The following PCDH9 variants were observed in gnomAD, a reference collection of about 807,000 sequenced individuals.
PCDH9 encodes protocadherin-9.
A neutral mutation model predicts 70.6 loss-of-function variants in PCDH9; 24 were observed. That is an observed-to-expected ratio of 0.34 (90% CI 0.25 to 0.48). PCDH9 has a LOEUF of 0.48. PCDH9 is among the 20% of genes least tolerant of loss of function. The probability of loss-of-function intolerance (pLI) is 0.99; values close to 1 mark genes in which losing one functional copy is unlikely to be tolerated. For synonymous variants in PCDH9, 562 were observed against 558.5 expected, an observed-to-expected ratio of 1.01 and a Z score of -0.09; for missense variants, 1,281 against 1,503.6, an observed-to-expected ratio of 0.85 and a Z score of 2.45.
chr13:66,869,170 C>T (rs548645890), intron 3 of PCDH9, among the ~76,000 whole-genome samples: 1 of 152,222 alleles, frequency 6.6e-6, no homozygotes, highest in East Asian at 1.9e-4. Context: ...CAGTTCCTGG[C>T]CCCTCGCTAA....
chr13:66,346,596 A>C (rs989688697), intron 4 of PCDH9, among the ~76,000 whole-genome samples: 7 of 152,190 alleles, frequency 4.6e-5, no homozygotes, highest in African/African-American at 1.7e-4. Flanking sequence ...CAATTCCTGC[A>C]ATACCCCCAT....
chr13:66,435,845 A>G (rs1957859488), intron 4 of PCDH9, among the ~76,000 whole-genome samples: 1 of 152,096 alleles, frequency 6.6e-6, no homozygotes, highest in South Asian at 2.1e-4. Context: ...GGAGATTACA[A>G]TGGGAGCCAG....
intron 3 of PCDH9, among the ~76,000 whole-genome samples, chr13:66,843,057 CA>C (rs1234372200): frequency 1.3e-5 from 2 of 152,174 alleles, no homozygotes; most frequent in African/African-American, 4.8e-5. Context: ...GGAAGAAAAT[CA>C]ATTACTATCG....
At chr13:66,498,698 G>A (rs1049060847) in intron 4 of PCDH9, among the ~76,000 whole-genome samples, 1 of 152,042 alleles carries the variant, frequency 6.6e-6, no homozygotes, top group Non-Finnish European at 1.5e-5. Flanking sequence ...TTAAACGAAT[G>A]TTTTAATAAG....
intron 4 of PCDH9, among the ~76,000 whole-genome samples, chr13:66,516,596 A>C (rs1959745735): frequency 1.3e-5 from 2 of 152,092 alleles, no homozygotes; most frequent in Admixed American, 1.3e-4. Flanking sequence ...TGAGCAATTC[A>C]GTATTTTGAT....
chr13:66,481,959 CA>C (rs530547165), intron 4 of PCDH9, among the ~76,000 whole-genome samples: 134 of 152,178 alleles, frequency 8.8e-4, no homozygotes, highest in African/African-American at 3.2e-3. Flanking sequence ...CACACACACA[CA>C]CACACAAAAT....
chr13:67,065,908 CAT>C (rs1284776655), intron 2 of PCDH9, among the ~76,000 whole-genome samples: 2 of 151,990 alleles, frequency 1.3e-5, no homozygotes, highest in African/African-American at 4.8e-5. Context: ...AAAATCAGTA[CAT>C]GTTTTGAAAG....
intron 4 of PCDH9, among the ~76,000 whole-genome samples, chr13:66,529,773 A>G (rs1356436881): frequency 6.6e-6 from 1 of 151,830 alleles, no homozygotes; most frequent in African/African-American, 2.4e-5. Context: ...GATAAATACC[A>G]CAGTTACAGA....
intron 2 of PCDH9, among the ~76,000 whole-genome samples, chr13:67,003,725 T>C (rs2084291097): frequency 6.6e-6 from 1 of 152,164 alleles, no homozygotes; most frequent in Non-Finnish European, 1.5e-5. Flanking sequence ...AAATTACTCA[T>C]GATACACTCA....
intron 2 of PCDH9, among the ~76,000 whole-genome samples, chr13:67,191,547 A>C (rs2088915088): frequency 6.6e-6 from 1 of 152,104 alleles, no homozygotes; most frequent in South Asian, 2.1e-4. Flanking sequence ...ACATTCTCAC[A>C]TTTCAGTTTG....
intron 4 of PCDH9, among the ~76,000 whole-genome samples, chr13:66,612,024 C>T (rs190967214): frequency 6.6e-6 from 1 of 152,184 alleles, no homozygotes; most frequent in African/African-American, 2.4e-5. Flanking sequence ...TTTATGGATT[C>T]TCCATGGATA....
Position 66,305,311 on chromosome 13 carries a change from A to G in PCDH9, c.3341-283T>C, listed in dbSNP as rs180900347. On this transcript the variant is annotated intron_variant, in intron 4 of 4. Transcript: ENST00000377865. ...TAGATAAAAAGACAGATATGGGTAA[A>G]CAGGTATAACCATGATGTATACAGA... 5.3e-5 allele frequency among the ~76,000 whole-genome samples: 8 copies of G among 152,216 alleles called. No homozygotes were observed. In the East Asian group the frequency reaches 1.5e-3, roughly 29 times the overall value.
chr13:67,106,665 C>A (rs1171091110), intron 2 of PCDH9, among the ~76,000 whole-genome samples: 1 of 152,218 alleles, frequency 6.6e-6, no homozygotes, highest in Non-Finnish European at 1.5e-5. Flanking sequence ...GGAGACCCGC[C>A]CTCCTGGGCA....
chr13:67,040,197 C>A (rs578090376), intron 2 of PCDH9, among the ~76,000 whole-genome samples: 12 of 152,122 alleles, frequency 7.9e-5, no homozygotes, highest in Non-Finnish European at 1.6e-4. Context: ...TTATGTCCCC[C>A]CAGACGTTAT....
intron 2 of PCDH9, among the ~76,000 whole-genome samples, chr13:67,131,817 A>G (rs1452266964): frequency 6.6e-6 from 1 of 152,182 alleles, no homozygotes; most frequent in East Asian, 1.9e-4. Context: ...GCTACCTGAA[A>G]CAAGTGTCGT....
intron 3 of PCDH9, among the ~76,000 whole-genome samples, chr13:66,762,308 A>G (rs1594024403): frequency 6.6e-6 from 1 of 152,148 alleles, no homozygotes; most frequent in East Asian, 1.9e-4. Context: ...TTTTGCAGGG[A>G]CTATGCATTC....
At position 66,730,876 on chromosome 13, in the gene PCDH9, G is replaced by GTT. The variant is rs758928616; in HGVS notation, c.3139-99467_3139-99466dup. ...TGTTTTTGTTTTTTTGTGTGTGTGTGTTTTTTTTTTGTTTGTTTCTTTTTT... is the reference window on the plus strand; with the variant it reads ...TGTTTTTGTTTTTTTGTGTGTGTGTGTTTTTTTTTTTTGTTTGTTTCTTTTTT... On this transcript the variant is annotated intron_variant, in intron 3 of 4. Transcript: ENST00000377865. Among the ~76,000 whole-genome samples the GTT allele has an allele frequency of 6.0e-3, 278 of 46,354 alleles. 18 individuals carry two copies. Among genetic ancestry groups the GTT allele is most frequent in the South Asian group, 0.013 (9 of 702 alleles). 30.4% of individuals were successfully genotyped at this position (46,354 alleles called of 152,430 possible). A position where few individuals can be genotyped will look rare whatever the true frequency, so the allele number is the denominator to read the frequency against.
chr13:66,549,062 T>G (rs1191365549), intron 4 of PCDH9, among the ~76,000 whole-genome samples: 1 of 152,158 alleles, frequency 6.6e-6, no homozygotes, highest in Non-Finnish European at 1.5e-5. Context: ...CAATTTGTCT[T>G]ATTCTATTTC....
At chr13:67,067,610 T>A (rs1242333299) in intron 2 of PCDH9, among the ~76,000 whole-genome samples, 1 of 151,442 alleles carries the variant, frequency 6.6e-6, no homozygotes, top group African/African-American at 2.4e-5. Context: ...AATACTTTTT[T>A]TAAAAAGTTT....
Sources: gnomAD v4.1 joint callset for allele counts (sites outside exome capture counted in the v4.1 genomes callset) on GRCh38, gnomAD v4.1.1 for gene constraint, MANE v1.5 for transcripts, NCBI Gene and HGNC (gene_info 2026-07-23, HGNC 2026-07-21) for gene names.